The following ZNRD2 variants were observed in gnomAD, a reference collection of about 807,000 sequenced individuals.
ZNRD2 encodes zinc ribbon domain containing 2, also known as protein ZNRD2.
In ZNRD2, 16 loss-of-function variants were observed where a neutral mutation model predicts 22.0. The observed-to-expected ratio is 0.73, with a 90% CI of 0.49 to 1.11. ZNRD2 has a LOEUF of 1.11. ZNRD2 is among the 50% of genes least tolerant of loss of function. ZNRD2 has a pLI of 0.00. For missense variants in ZNRD2, 269 were observed against 258.9 expected, an observed-to-expected ratio of 1.04 and a Z score of -0.27; for synonymous variants, 105 against 109.8, an observed-to-expected ratio of 0.96 and a Z score of 0.27.
Position 65,571,408 on chromosome 11 carries a change from GCC to G in ZNRD2, c.276_277del (p.Ser94ProfsTer32), listed in dbSNP as rs1565110963. 1.9e-6 allele frequency: 3 copies of G among 1,601,460 alleles called. No homozygotes were observed. Among genetic ancestry groups the G allele is most frequent in the Non-Finnish European group, 2.6e-6 (3 of 1,171,722 alleles). ...CTTTTTAGCTCTGAATGCCCAGGCT[GCC>G]CTCTCCCAAGCTCGGGAGCACCAGC... is the stretch of plus-strand genomic sequence containing the variant. ...KDNPALNAQAALSQAREHQLA... is the reference protein window; with the variant it reads ...KDNPALNAQAXLSQAREHQLA... On this transcript the variant is annotated frameshift_variant, in exon 4 of 4. Coordinates refer to ENST00000309328, the MANE Select transcript of ZNRD2 (RefSeq NM_006396.3). LOFTEE classifies it high-confidence loss of function.
In ZNRD2 at chr11:65,571,454, TC is replaced by T; in HGVS notation, c.325del (p.Leu109TrpfsTer53). ...REHQLASASE[L>X]PLGSRPAPQP... ...CACCAGCTGGCCTCAGCCTCAGAGCTCCCCCTGGGCTCTCGACCTGCGCCCC... is the reference window on the plus strand; with the variant it reads ...CACCAGCTGGCCTCAGCCTCAGAGCTCCCCTGGGCTCTCGACCTGCGCCCC... On this transcript the variant is annotated frameshift_variant, in exon 4 of 4. Coordinates refer to ENST00000309328, the MANE Select transcript of ZNRD2 (RefSeq NM_006396.3). LOFTEE classifies it high-confidence loss of function. The T allele has an allele frequency of 4.3e-6, 7 of 1,612,506 alleles. No individual in the cohort carries two copies. The highest frequency in any genetic ancestry group is 5.1e-6 in the Non-Finnish European group (6 of 1,179,226).
intron 1 of ZNRD2, 45 bp downstream of exon 1, chr11:65,570,555 G>A (rs1307938516): frequency 1.2e-6 from 2 of 1,613,932 alleles, no homozygotes; most frequent in South Asian, 1.1e-5. Flanking sequence ...AGGTACGGGA[G>A]GCAGCCCACT....
rs766904235 is a variant in ZNRD2, at chr11:65,570,877, G to C, written c.172-9G>C. 3 of 1,614,052 alleles carry C rather than the reference G, an allele frequency of 1.9e-6. No homozygotes were observed. In the South Asian group the frequency reaches 3.3e-5, roughly 18 times the overall value. On this transcript the variant is annotated splice_polypyrimidine_tract_variant and intron_variant, in intron 2 of 3. Coordinates refer to ENST00000309328, the MANE Select transcript of ZNRD2 (RefSeq NM_006396.3). ...CTCATTCCGGCCCCGTGTGCTTTTT[G>C]GTCCGTAGACGATCCTCCTCCAAGA...
In ZNRD2 at chr11:65,570,616, T is replaced by G; in HGVS notation, c.32T>G (p.Phe11Cys). The G allele has an allele frequency of 3.1e-6, 5 of 1,613,822 alleles. No homozygotes were observed. Among genetic ancestry groups the G allele is most frequent in the Non-Finnish European group, 4.2e-6 (5 of 1,179,936 alleles). The change falls in exon 2 of 4, where the codon TTC becomes TGC. Residue 11 changes from phenylalanine (F) to cysteine (C), a missense_variant. By Grantham distance (205) the Phe-to-Cys change is radical. Coordinates refer to ENST00000309328, the MANE Select transcript of ZNRD2 (RefSeq NM_006396.3). ...CTCTCTTCCCCAGAAGTCGACGACT[T>G]CTCCTGGGAGCCCCCGACTGAGGCG... is the stretch of plus-strand genomic sequence containing the variant. MALNGAEVDD[F>C]SWEPPTEAET...
rs750814369 is a variant in ZNRD2 at position 65,570,617 on chromosome 11, C to A, written c.33C>A (p.Phe11Leu). MALNGAEVDD[F>L]SWEPPTEAET... ...TCTCTTCCCCAGAAGTCGACGACTT[C>A]TCCTGGGAGCCCCCGACTGAGGCGG... The change falls in exon 2 of 4, where the codon TTC becomes TTA. Residue 11 changes from phenylalanine to leucine, a missense_variant. Transcript: ENST00000309328. 1 of 1,611,478 alleles carries A rather than the reference C, an allele frequency of 6.2e-7. No homozygotes were observed. The highest frequency in any genetic ancestry group is 1.7e-5 in the Admixed American group (1 of 59,908).
chr11:65,570,699 G>A lies in ZNRD2; in HGVS notation c.115G>A (p.Gly39Ser), dbSNP rs1290923018. 6.2e-7 allele frequency: 1 copy of A among 1,613,880 alleles called. No homozygotes were observed. The highest frequency in any genetic ancestry group is 1.7e-5 in the Admixed American group (1 of 60,020). Residue 39 changes from glycine to serine, a missense_variant, in exon 2 of 4, where the codon GGC becomes AGC. Coordinates refer to ENST00000309328, the MANE Select transcript of ZNRD2 (RefSeq NM_006396.3). The stretch of plus-strand genomic sequence containing the variant: ...GCAAGATCGCATCTCCCGGCTCATG[G>A]GCGACTATCTGCTGCGCGGTTACCG... ...ERQDRISRLM[G>S]DYLLRGYRML...
Position 65,571,383 on chromosome 11 carries a change from C to G in ZNRD2, c.257-8C>G. 1 of 1,573,202 alleles carries G rather than the reference C, an allele frequency of 6.4e-7. No individual in the cohort carries two copies. The highest frequency in any genetic ancestry group is 8.6e-7 in the Non-Finnish European group (1 of 1,156,614). On this transcript the variant is annotated splice_polypyrimidine_tract_variant and splice_region_variant and intron_variant, in intron 3 of 3. Coordinates refer to ENST00000309328, the MANE Select transcript of ZNRD2 (RefSeq NM_006396.3). ...CTGACCATTCCACCCACTTTCTCCT[C>G]TTTTTAGCTCTGAATGCCCAGGCTG...
At chr11:65,570,811 GC>G (rs1260154898) in intron 2 of ZNRD2, 56 bp downstream of exon 2, 2 of 1,612,424 alleles carry the variant, frequency 1.2e-6, no homozygotes, top group Non-Finnish European at 1.7e-6. Context: ...AGGCCACTCA[GC>G]CCTTCCCCGG....
rs1421813868 is a variant in ZNRD2 at position 65,570,488 on chromosome 11, C to T, written c.-4C>T. ...CCTGTGAGCCCGGCGGTGACAACGG[C>T]AACATGGCCCTGAACGGAGCTGGTG... On this transcript the variant is annotated 5_prime_UTR_variant, in exon 1 of 4. Transcript: ENST00000309328. 6.2e-6 allele frequency: 10 copies of T among 1,613,540 alleles called. No individual in the cohort carries two copies. The African/African-American group carries it at 8.0e-5, about 13-fold the overall frequency.
In ZNRD2 at chr11:65,571,586, C is replaced by T; in HGVS notation, c.452C>T (p.Ala151Val). Residue 151 changes from alanine to valine, a missense_variant, in exon 4 of 4, where the codon GCC (alanine) becomes GTC (valine). Coordinates refer to ENST00000309328, the MANE Select transcript of ZNRD2 (RefSeq NM_006396.3). Reference protein sequence around the residue: ...PAVPPNTDVMACTQTALLQKL... With the variant: ...PAVPPNTDVMVCTQTALLQKL... ...GTGCCTCCAAATACAGATGTCATGG[C>T]CTGCACACAGACAGCCCTCTTGCAG... 6.2e-7 allele frequency: 1 copy of T among 1,614,120 alleles called. No homozygotes were observed. The highest frequency in any genetic ancestry group is 8.5e-7 in the Non-Finnish European group (1 of 1,180,044).
chr11:65,571,008 T>G, intron 3 of ZNRD2, 38 bp downstream of exon 3: 1 of 1,581,718 alleles, frequency 6.3e-7, no homozygotes, highest in Non-Finnish European at 8.7e-7. Context: ...GGGCCGGATA[T>G]GCTTAGGGGG....
chr11:65,571,542 G>A lies in ZNRD2; in HGVS notation c.408G>A (p.Gln136=), dbSNP rs775872516. 9.3e-6 allele frequency: 15 copies of A among 1,613,844 alleles called. No individual in the cohort carries two copies. The highest frequency in any genetic ancestry group is 1.2e-5 in the Non-Finnish European group (14 of 1,180,012). ...EGAAAGLKAA[Q]GPPAPAVPPN... ...CTGCAGCAGGACTCAAGGCAGCCCA[G>A]GGGCCACCTGCTCCTGCTGTGCCTC... The change falls in exon 4 of 4, where the codon CAG becomes CAA. Residue 136 remains glutamine, a synonymous_variant. Transcript: ENST00000309328.
chr11:65,571,197 A>G (rs1189478529), intron 3 of ZNRD2, among the ~76,000 whole-genome samples, 194 bp from the exon 4 acceptor site: 2 of 152,222 alleles, frequency 1.3e-5, no homozygotes, highest in African/African-American at 4.8e-5. Flanking sequence ...GTCTGAGCTC[A>G]ACCAGGCCCA....
At position 65,570,655 on chromosome 11, in the gene ZNRD2, T is replaced by G; in HGVS notation, c.71T>G (p.Leu24Arg). 1 of 1,613,944 alleles carries G rather than the reference T, an allele frequency of 6.2e-7. No homozygotes were observed. The highest frequency in any genetic ancestry group is 8.5e-7 in the Non-Finnish European group (1 of 1,179,978). ...EPPTEAETKV[L>R]QARRERQDRI... ...CCGACTGAGGCGGAGACGAAGGTGC[T>G]GCAGGCGCGACGGGAGCGGCAAGAT... Residue 24 changes from leucine to arginine, a missense_variant, in exon 2 of 4, where the codon CTG becomes CGG. Physicochemically the swap from Leu to Arg is moderately radical, Grantham distance 102 (BLOSUM62 -2). Coordinates refer to ENST00000309328, the MANE Select transcript of ZNRD2 (RefSeq NM_006396.3).
At position 65,570,642 on chromosome 11, in the gene ZNRD2, G is replaced by A. The variant is rs780657167; in HGVS notation, c.58G>A (p.Glu20Lys). 1 of 1,613,912 alleles carries A rather than the reference G, an allele frequency of 6.2e-7. No homozygotes were observed. The highest frequency in any genetic ancestry group is 8.5e-7 in the Non-Finnish European group (1 of 1,179,980). Residue 20 changes from glutamate to lysine, a missense_variant, in exon 2 of 4, where the codon GAG becomes AAG. By Grantham distance (56) the Glu-to-Lys change is moderately conservative. Transcript: ENST00000309328. Reference sequence around the variant, plus strand: ...CTCCTGGGAGCCCCCGACTGAGGCGGAGACGAAGGTGCTGCAGGCGCGACG... The same window carrying A: ...CTCCTGGGAGCCCCCGACTGAGGCGAAGACGAAGGTGCTGCAGGCGCGACG... Reference protein sequence around the residue: ...DFSWEPPTEAETKVLQARRER... With the variant: ...DFSWEPPTEAKTKVLQARRER...
In ZNRD2 at chr11:65,571,570, A is replaced by G; in HGVS notation, c.436A>G (p.Asn146Asp). The G allele has an allele frequency of 6.2e-7, 1 of 1,614,070 alleles. No homozygotes were observed. The highest frequency in any genetic ancestry group is 8.5e-7 in the Non-Finnish European group (1 of 1,180,022). Residue 146 changes from asparagine (N) to aspartate (D), a missense_variant, in exon 4 of 4, where the codon AAT (asparagine) becomes GAT (aspartate). Asn to Asp is a conservative substitution (Grantham distance 23). Transcript: ENST00000309328. ...GCCACCTGCTCCTGCTGTGCCTCCA[A>G]ATACAGATGTCATGGCCTGCACACA... The part of the protein sequence containing the change: ...QGPPAPAVPP[N>D]TDVMACTQTA...
chr11:65,571,775 CCT>C lies in ZNRD2; in HGVS notation c.*44_*45del. 6.6e-7 allele frequency: 1 copy of C among 1,513,292 alleles called. No individual in the cohort carries two copies. The highest frequency in any genetic ancestry group is 1.4e-5 in the African/African-American group (1 of 71,596). 93.7% of individuals were successfully genotyped at this position (1,513,292 alleles called of 1,614,324 possible). ...AAAACCCTCTAGAAAAACAGCTGTTCCTCTGTGTGGTTTGTTTTTTTCCTGGT... is the reference window on the plus strand; with the variant it reads ...AAAACCCTCTAGAAAAACAGCTGTTCCTGTGTGGTTTGTTTTTTTCCTGGT... On this transcript the variant is annotated 3_prime_UTR_variant, in exon 4 of 4. Coordinates refer to ENST00000309328, the MANE Select transcript of ZNRD2 (RefSeq NM_006396.3).
intron 3 of ZNRD2, 60 bp from the exon 4 acceptor site, chr11:65,571,331 G>A: frequency 6.6e-7 from 1 of 1,523,082 alleles, no homozygotes; most frequent in Non-Finnish European, 8.8e-7. Context: ...AAAGGAGATG[G>A]CTCAGGGCTG....
In ZNRD2 at chr11:65,571,814, A is replaced by G. The variant is rs1329124681; in HGVS notation, c.*80A>G. 6.9e-7 allele frequency: 1 copy of G among 1,458,970 alleles called. No individual in the cohort carries two copies. Among genetic ancestry groups the G allele is most frequent in the Non-Finnish European group, 9.0e-7 (1 of 1,106,520 alleles). 90.4% of individuals were successfully genotyped at this position (1,458,970 alleles called of 1,614,324 possible). ...GTTTTTTTCCTGGTTCCAAGTGTGC[A>G]TGCCAGCCCCAGCTCCACTCACCTT... On this transcript the variant is annotated 3_prime_UTR_variant, in exon 4 of 4. Coordinates refer to ENST00000309328, the MANE Select transcript of ZNRD2 (RefSeq NM_006396.3).
Sources: allele counts gnomAD v4.1 joint callset (sites outside exome capture counted in the v4.1 genomes callset), GRCh38; gene constraint gnomAD v4.1.1; transcripts MANE v1.5; gene names NCBI Gene and HGNC (gene_info 2026-07-23, HGNC 2026-07-21).